ZP4: variants seen among roughly 807,000 people sequenced by gnomAD.
ZP4 encodes zona pellucida sperm-binding protein 4.
In ZP4, 62 loss-of-function variants were observed where a neutral mutation model predicts 62.3. The ratio of observed to expected loss-of-function variants is 0.99; its 90% CI spans 0.81 to 1.23. The LOEUF (loss-of-function observed/expected upper bound fraction) is 1.23. Among genes scored for constraint, ZP4 ranks in the 50% most tolerant of loss-of-function variants. The probability of loss-of-function intolerance (pLI) is 0.00; values close to 1 mark genes in which losing one functional copy is unlikely to be tolerated. For missense variants in ZP4, 774 were observed against 656.0 expected, an observed-to-expected ratio of 1.18 and a Z score of -1.97; for synonymous variants, 289 against 247.3, an observed-to-expected ratio of 1.17 and a Z score of -1.58.
In ZP4 at chr1:237,890,920, G is replaced by T; in HGVS notation, c.-285C>A. On this transcript the variant is annotated 5_prime_UTR_variant, in exon 1 of 12. Coordinates refer to ENST00000366570, the MANE Select transcript of ZP4 (RefSeq NM_021186.5). Reference sequence around the variant, plus strand: ...AGCTAACAGAAAGGAAGGAAAGAAAGCTTCCTCAGGGTTGCTCAACATAGC... The same window carrying T: ...AGCTAACAGAAAGGAAGGAAAGAAATCTTCCTCAGGGTTGCTCAACATAGC... 6.5e-6 allele frequency: 2 copies of T among 308,750 alleles called. No individual in the cohort carries two copies. The highest frequency in any genetic ancestry group is 7.1e-5 in the South Asian group (1 of 14,062). 19.1% of individuals were successfully genotyped at this position (308,750 alleles called of 1,614,324 possible). A position where few individuals can be genotyped will look rare whatever the true frequency, so the allele number is the denominator to read the frequency against.
intron 3 of ZP4, 141 bp downstream of exon 3, chr1:237,889,726 C>T: frequency 2.6e-6 from 2 of 780,722 alleles, no homozygotes; most frequent in Middle Eastern, 3.8e-4. Flanking sequence ...AAGGATTGCC[C>T]ATGGAGGTGA....
At chr1:237,886,035 TAGTTGG>T in intron 6 of ZP4, 149 bp from the exon 7 acceptor site, 1 of 1,060,438 alleles carries the variant, frequency 9.4e-7, no homozygotes, top group Non-Finnish European at 1.3e-6. Flanking sequence ...AGCTGTATTT[TAGTTGG>T]GGAGACCAAT....
Position 237,884,843 on chromosome 1 carries a change from T to A in ZP4, c.1316A>T (p.His439Leu). The A allele has an allele frequency of 6.2e-7, 1 of 1,613,210 alleles. No individual in the cohort carries two copies. The highest frequency in any genetic ancestry group is 8.5e-7 in the Non-Finnish European group (1 of 1,179,616). The change falls in exon 10 of 12, where the codon CAT becomes CTT. Residue 439 changes from histidine (H) to leucine (L), a missense_variant. His to Leu is a moderately conservative substitution (Grantham distance 99, BLOSUM62 -3). Coordinates refer to ENST00000366570, the MANE Select transcript of ZP4 (RefSeq NM_021186.5). ...VEKQALRGPV[H>L]LHCSVSVCQP... ...GCAGACTGACACGCTGCAGTGCAGA[T>A]GCACCTGGGAGCCAACAGAATTCAG...
Position 237,885,192 on chromosome 1 carries a change from T to A in ZP4, c.1284A>T (p.Thr428=). The part of the protein sequence containing the change: ...SIFTFSFVNP[T]VEKQALRGPV... Reference sequence around the variant, plus strand: ...GTCCCCTGAGGGCCTGTTTCTCCACTGTAGGGTTCACAAAGCTGAAGGTGA... The same window carrying A: ...GTCCCCTGAGGGCCTGTTTCTCCACAGTAGGGTTCACAAAGCTGAAGGTGA... Residue 428 remains threonine, a synonymous_variant, in exon 9 of 12, where the codon ACA becomes ACT. Coordinates refer to ENST00000366570, the MANE Select transcript of ZP4 (RefSeq NM_021186.5). 6.2e-7 allele frequency: 1 copy of A among 1,614,058 alleles called. No individual in the cohort carries two copies. Among genetic ancestry groups the A allele is most frequent in the Non-Finnish European group, 8.5e-7 (1 of 1,179,998 alleles).
intron 10 of ZP4, among the ~76,000 whole-genome samples, chr1:237,883,985 C>CAA (rs1665014285): frequency 3.3e-5 from 1 of 29,872 alleles, no homozygotes; most frequent in African/African-American, 1.2e-4. Context: ...CACACACAAA[C>CAA]ACACACACAC....
Position 237,886,839 on chromosome 1 carries a change from A to G in ZP4, c.771T>C (p.Asn257=), listed in dbSNP as rs757764349. 97 of 1,614,016 alleles carry G rather than the reference A, an allele frequency of 6.0e-5. No individual in the cohort carries two copies. The Middle Eastern group carries it at 6.6e-4, about 11-fold the overall frequency. ...QITGDRAVYE[N]ELVATRDVKN... is the part of the protein sequence containing the mutation. ...TCACATCCCTAGTTGCCACCAGTTC[A>G]TTTTCATATACTGCTCGGTCTCCAG... Residue 257 remains asparagine, a synonymous_variant, in exon 6 of 12, where the codon AAT becomes AAC. Transcript: ENST00000366570.
At chr1:237,888,089 TTC>T (rs932846650) in intron 4 of ZP4, among the ~76,000 whole-genome samples, 27 of 152,244 alleles carry the variant, frequency 1.8e-4, no homozygotes, top group African/African-American at 6.5e-4. Context: ...CGCTATAAGT[TTC>T]TGTCAGTTAG....
In ZP4 at chr1:237,888,320, T is replaced by C. The variant is rs143359727; in HGVS notation, c.553+38A>G. On this transcript the variant is annotated intron_variant, in intron 4 of 11. Transcript: ENST00000366570. ...CTGGGTTTCATTGTAATTGCCACAC[T>C]TCCTCAGCTGGTTTCAGAGGTGTGC... 5.2e-4 allele frequency: 774 copies of C among 1,500,080 alleles called. 4 individuals are homozygous for C. The African/African-American group carries it at 9.8e-3, about 19-fold the overall frequency. 92.9% of individuals were successfully genotyped at this position (1,500,080 alleles called of 1,614,324 possible).
rs763208596 is a variant in ZP4 at position 237,889,925 on chromosome 1, C to A, written c.342G>T (p.Ala114=). 3 of 1,613,980 alleles carry A rather than the reference C, an allele frequency of 1.9e-6. No individual in the cohort carries two copies. Among genetic ancestry groups the A allele is most frequent in the Non-Finnish European group, 2.5e-6 (3 of 1,179,994 alleles). ...TCTCTGTAACCACCTTGTGTTCAGC[C>A]GCGCCTGCTCCTTCAACTCCAACTG... is the stretch of plus-strand genomic sequence containing the variant. ...IMPVGVEGAG[A]AEHKVVTERK... is the part of the protein sequence containing the mutation. Residue 114 remains alanine, a synonymous_variant, in exon 3 of 12, where the codon GCG becomes GCT. Coordinates refer to ENST00000366570, the MANE Select transcript of ZP4 (RefSeq NM_021186.5).
intron 10 of ZP4, among the ~76,000 whole-genome samples, chr1:237,883,983 A>ACACACAC (rs1665013477): frequency 4.7e-5 from 2 of 42,398 alleles, no homozygotes; most frequent in Non-Finnish European, 9.6e-5. Context: ...CACACACACA[A>ACACACAC]ACACACACAC....
Position 237,890,678 on chromosome 1 carries a change from C to T in ZP4, c.-43G>A, listed in dbSNP as rs1665222036. 2.5e-6 allele frequency: 4 copies of T among 1,588,272 alleles called. No individual in the cohort carries two copies. The highest frequency in any genetic ancestry group is 3.4e-6 in the Non-Finnish European group (4 of 1,166,800). ...CTGCCGGCTGCAGACTCTCCGCCTC[C>T]TCTCCCAAGAGCCGAGGGTCTGCCT... is the stretch of plus-strand genomic sequence containing the variant. On this transcript the variant is annotated 5_prime_UTR_variant, in exon 1 of 12. Transcript: ENST00000366570.
chr1:237,885,858 T>A lies in ZP4; in HGVS notation c.868A>T (p.Ser290Cys). ...ACATTGATTGGGAGAGAGTTGCTAC[T>A]TACTGAGTAGCTGCAGCTGACATGG... ...RLHVSCSYSV[S>C]SNSLPINVQV... Residue 290 changes from serine to cysteine, a missense_variant, in exon 7 of 12, where the codon AGT becomes TGT. By Grantham distance (112) the Ser-to-Cys change is moderately radical (BLOSUM62 -1). Coordinates refer to ENST00000366570, the MANE Select transcript of ZP4 (RefSeq NM_021186.5). 1 of 1,614,166 alleles carries A rather than the reference T, an allele frequency of 6.2e-7. No homozygotes were observed. The highest frequency in any genetic ancestry group is 8.5e-7 in the Non-Finnish European group (1 of 1,180,026).
intron 5 of ZP4, among the ~76,000 whole-genome samples, 167 bp from the exon 6 acceptor site, chr1:237,887,035 C>T (rs931142845): frequency 7.9e-5 from 12 of 152,154 alleles, no homozygotes; most frequent in African/African-American, 2.2e-4. Flanking sequence ...GTTATCACTT[C>T]GCCTTATCTC....
Position 237,885,586 on chromosome 1 carries a change from A to G in ZP4, c.971-6T>C, listed in dbSNP as rs772983520. 4.3e-6 allele frequency: 7 copies of G among 1,611,756 alleles called. No individual in the cohort carries two copies. The highest frequency in any genetic ancestry group is 2.2e-5 in the East Asian group (1 of 44,892). ...GTAAGAGCCATAGTTTTTATCTGCA[A>G]GAGGCAGAAATAAGGATTTGAAGTA... On this transcript the variant is annotated splice_region_variant and splice_polypyrimidine_tract_variant and intron_variant, in intron 7 of 11. Transcript: ENST00000366570.
At chr1:237,888,238 C>T (rs763742225) in intron 4 of ZP4, 120 bp downstream of exon 4, 2 of 1,016,512 alleles carry the variant, frequency 2.0e-6, no homozygotes, top group Non-Finnish European at 2.7e-6. Flanking sequence ...TTCTTGGATG[C>T]ATGGCTACAT....
intron 10 of ZP4, among the ~76,000 whole-genome samples, chr1:237,884,055 CACACACAA>C (rs1270838604): frequency 7.1e-6 from 1 of 141,578 alleles, no homozygotes; most frequent in African/African-American, 3.0e-5. Flanking sequence ...CACACACAAA[CACACACAA>C]ACACACACAA....
In ZP4 at chr1:237,885,550, C is replaced by G. The variant is rs778066940; in HGVS notation, c.1001G>C (p.Gly334Ala). Reference protein sequence around the residue: ...DKNYGSYYGVGDYPVVKLLRD... With the variant: ...DKNYGSYYGVADYPVVKLLRD... ...AAGCAACTTCACCACTGGGTAGTCACCAACACCGTAGTAAGAGCCATAGTT... is the reference window on the plus strand; with the variant it reads ...AAGCAACTTCACCACTGGGTAGTCAGCAACACCGTAGTAAGAGCCATAGTT... Residue 334 changes from glycine (G) to alanine (A), a missense_variant, in exon 8 of 12, where the codon GGT becomes GCT. Coordinates refer to ENST00000366570, the MANE Select transcript of ZP4 (RefSeq NM_021186.5). 1 of 1,613,966 alleles carries G rather than the reference C, an allele frequency of 6.2e-7. No homozygotes were observed. The highest frequency in any genetic ancestry group is 1.1e-5 in the South Asian group (1 of 91,046).
chr1:237,889,761 A>G, intron 3 of ZP4, 106 bp downstream of exon 3: 2 of 967,922 alleles, frequency 2.1e-6, no homozygotes, highest in South Asian at 1.4e-5. Flanking sequence ...TCCTTCCTTC[A>G]TTAGTGTCAG....
At chr1:237,888,967 G>A (rs990259886) in intron 3 of ZP4, among the ~76,000 whole-genome samples, 2 of 152,164 alleles carry the variant, frequency 1.3e-5, no homozygotes, top group Admixed American at 6.5e-5. Flanking sequence ...AGGAAGGCAG[G>A]TGAGAAGAGT....
Sources: allele counts gnomAD v4.1 joint callset (sites outside exome capture counted in the v4.1 genomes callset), GRCh38; gene constraint gnomAD v4.1.1; transcripts MANE v1.5; gene names NCBI Gene and HGNC (gene_info 2026-07-23, HGNC 2026-07-21).